Variants in HMCN1 observed in about 807,000 individuals in gnomAD.
HMCN1 encodes the protein hemicentin-1.
In HMCN1, 321 loss-of-function variants were observed where a neutral mutation model predicts 625.9. The ratio of observed to expected loss-of-function variants is 0.51; its 90% CI spans 0.47 to 0.56. HMCN1 has a LOEUF of 0.56. HMCN1 is among the 20% of genes least tolerant of loss of function. The pLI, the probability that HMCN1 is intolerant of heterozygous loss-of-function variation, is 0.00. For synonymous variants in HMCN1, 2,425 were observed against 2,417.6 expected, an observed-to-expected ratio of 1.00 and a Z score of -0.09; for missense variants, 6,588 against 6,887.3, an observed-to-expected ratio of 0.96 and a Z score of 1.54.
chr1:185,740,349 G>T (rs1653900731), intron 1 of HMCN1, among the ~76,000 whole-genome samples: 1 of 152,192 alleles, frequency 6.6e-6, no homozygotes, highest in African/African-American at 2.4e-5. Flanking sequence ...GAAGTTGGTG[G>T]CTGTGGGAGG....
At chr1:186,110,365 G>C (rs1660817888) in intron 71 of HMCN1, among the ~76,000 whole-genome samples, 1 of 152,302 alleles carries the variant, frequency 6.6e-6, no homozygotes, top group East Asian at 1.9e-4. Flanking sequence ...GCATGAGACT[G>C]AGAAGGAGGA....
intron 6 of HMCN1, among the ~76,000 whole-genome samples, chr1:185,920,552 C>A (rs966481517): frequency 6.6e-6 from 1 of 152,104 alleles, no homozygotes; most frequent in African/African-American, 2.4e-5. Context: ...TTTGAAGGAT[C>A]AAAGTTAATT....
At chr1:185,756,478 T>TA (rs549588321) in intron 1 of HMCN1, among the ~76,000 whole-genome samples, 4,070 of 126,606 alleles carry the variant, frequency 0.032, 58 homozygotes, top group African/African-American at 0.039. Flanking sequence ...GACCTCAGGG[T>TA]AAAAAAAAAA....
At chr1:186,112,606 A>G (rs2102468193) in intron 71 of HMCN1, among the ~76,000 whole-genome samples, 1 of 152,348 alleles carries the variant, frequency 6.6e-6, no homozygotes, top group African/African-American at 2.4e-5. Context: ...GCAATTGGGC[A>G]TACTGCCTCT....
chr1:186,025,170 A>G (rs1006997578), intron 36 of HMCN1, among the ~76,000 whole-genome samples: 1 of 151,742 alleles, frequency 6.6e-6, no homozygotes, highest in African/African-American at 2.4e-5. Flanking sequence ...CTCCTAGGAG[A>G]ATCTACTGCT....
chr1:185,822,339 C>G (rs2102271013), intron 1 of HMCN1, among the ~76,000 whole-genome samples: 1 of 152,132 alleles, frequency 6.6e-6, no homozygotes, highest in East Asian at 1.9e-4. Context: ...GTTCCTTCAT[C>G]CCAGTTTTGT....
At position 186,187,038 on chromosome 1, in the gene HMCN1, G is replaced by A. The variant is rs1023032995; in HGVS notation, c.16415-845G>A. On this transcript the variant is annotated intron_variant, in intron 105 of 106. Transcript: ENST00000271588. ...CACACACACACACACACACACACAC[G>A]CATGCAAACATTTTCATTCACAGAT... 2.0e-3 allele frequency among the ~76,000 whole-genome samples: 179 copies of A among 87,744 alleles called. 1 individual carries two copies. The East Asian group carries it at 0.042, about 21-fold the overall frequency. The allele number at this position is 87,744 out of a possible 152,430, so 57.6% of individuals were successfully genotyped here.
chr1:185,852,933 C>T (rs1322013299), intron 2 of HMCN1, among the ~76,000 whole-genome samples: 2 of 152,008 alleles, frequency 1.3e-5, no homozygotes, highest in Non-Finnish European at 2.9e-5. Flanking sequence ...AATGAGGAAT[C>T]TCAAGCTTTT....
intron 105 of HMCN1, among the ~76,000 whole-genome samples, chr1:186,186,989 CTGT>C (rs1349602485): frequency 1.1e-4 from 15 of 133,574 alleles, no homozygotes; most frequent in African/African-American, 4.0e-4. Flanking sequence ...TTCTCTGTCT[CTGT>C]CTCACACACA....
At chr1:185,896,005 G>A (rs555919993) in intron 4 of HMCN1, among the ~76,000 whole-genome samples, 20 of 150,940 alleles carry the variant, frequency 1.3e-4, no homozygotes, top group African/African-American at 4.2e-4. Context: ...GCGCAATCTC[G>A]GCTCACTGCA....
Position 185,864,628 on chromosome 1 carries a change from A to C in HMCN1, c.498A>C (p.Gln166His). ...VLQLIQQKQS[Q>H]VVFVLTGDCD... ...AACTTATCCAACAGAAACAGTCACA[A>C]GTGAGTAAGAATCAACCCCAAACGT... The change falls in exon 3 of 107, where the codon CAA becomes CAC. Residue 166 changes from glutamine to histidine, a missense_variant and splice_region_variant. By Grantham distance (24) the Gln-to-His change is conservative. Around this residue, in one of 3 missense-constraint regions of HMCN1, gnomAD observed 4,628 missense variants for 4,853.1 expected, o/e 0.95. Transcript: ENST00000271588. 1 of 1,613,606 alleles carries C rather than the reference A, an allele frequency of 6.2e-7. No homozygotes were observed. Among genetic ancestry groups the C allele is most frequent in the Non-Finnish European group, 8.5e-7 (1 of 1,179,694 alleles).
At chr1:186,015,482 C>G (rs1336770146) in intron 31 of HMCN1, 45 bp downstream of exon 31, 1 of 1,558,768 alleles carries the variant, frequency 6.4e-7, no homozygotes, top group East Asian at 2.2e-5. Flanking sequence ...TCTACCTATG[C>G]TTTCTAATAG....
chr1:186,181,676 A>G (rs1293278726), intron 104 of HMCN1, among the ~76,000 whole-genome samples: 1 of 152,182 alleles, frequency 6.6e-6, no homozygotes, highest in African/African-American at 2.4e-5. Flanking sequence ...ATATCTGTGT[A>G]TGGGAAAGCT....
At chr1:185,862,879 A>G (rs1203844982) in intron 2 of HMCN1, among the ~76,000 whole-genome samples, 1 of 152,206 alleles carries the variant, frequency 6.6e-6, no homozygotes, top group Non-Finnish European at 1.5e-5. Context: ...TTTAGAGTCA[A>G]TTTTTAACAG....
rs774739456 is a variant in HMCN1, at chr1:186,112,862, C to T, written c.11040C>T (p.Asn3680=). The change falls in exon 72 of 107, where the codon AAC becomes AAT. Residue 3680 remains asparagine (N), a synonymous_variant. Transcript: ENST00000271588. The part of the protein sequence containing the change: ...ILSGGRYLQI[N]NADLGDTANY... ...CTGGAGGGAGATACTTGCAAATCAA[C>T]AATGCTGACCTAGGTGATACAGCCA... is the stretch of plus-strand genomic sequence containing the variant. The T allele has an allele frequency of 9.9e-6, 16 of 1,614,062 alleles. No individual in the cohort carries two copies. The highest frequency in any genetic ancestry group is 8.9e-5 in the East Asian group (4 of 44,894).
At position 186,102,253 on chromosome 1, in the gene HMCN1, TA is replaced by T. The variant is rs377654460; in HGVS notation, c.10574-1214del. ...CAGCAATATGTAAGATAGATAGAAG[TA>T]AAAAGAGGTCATGTGGGACAGTGGT... On this transcript the variant is annotated intron_variant, in intron 68 of 106. Coordinates refer to ENST00000271588, the MANE Select transcript of HMCN1 (RefSeq NM_031935.3). Among the ~76,000 whole-genome samples, 306 of 152,150 alleles carry T rather than the reference TA, an allele frequency of 2.0e-3. 11 individuals are homozygous for T. The South Asian group carries it at 0.041, about 21-fold the overall frequency.
Position 186,144,353 on chromosome 1 carries a change from A to G in HMCN1, c.14095+10A>G. ...GAAAGAAATTGTCCAAGTAAGAGAA[A>G]TACACTGTTTATACCTTAATAAATT... On this transcript the variant is annotated intron_variant, in intron 90 of 106. Coordinates refer to ENST00000271588, the MANE Select transcript of HMCN1 (RefSeq NM_031935.3). 1 of 1,612,678 alleles carries G rather than the reference A, an allele frequency of 6.2e-7. No individual in the cohort carries two copies. The highest frequency in any genetic ancestry group is 8.5e-7 in the Non-Finnish European group (1 of 1,179,638).
chr1:186,050,697 A>C (rs1404340600), intron 42 of HMCN1, among the ~76,000 whole-genome samples: 1 of 152,066 alleles, frequency 6.6e-6, no homozygotes, highest in Non-Finnish European at 1.5e-5. Flanking sequence ...TAATAGTGGA[A>C]AGCAGAATGC....
intron 15 of HMCN1, among the ~76,000 whole-genome samples, chr1:185,977,404 T>C (rs1046817611): frequency 6.6e-6 from 1 of 152,150 alleles, no homozygotes; most frequent in Non-Finnish European, 1.5e-5. Flanking sequence ...ACGGAAAGTG[T>C]CAAAAATATC....
Sources: gnomAD v4.1 joint callset for allele counts (sites outside exome capture counted in the v4.1 genomes callset) on GRCh38, gnomAD v4.1.1 for gene constraint, gnomAD v4.1.1 regional missense constraint, MANE v1.5 for transcripts, NCBI Gene and HGNC (gene_info 2026-07-23, HGNC 2026-07-21) for gene names.